The following PTCSC3 variants were observed in gnomAD, a reference collection of about 807,000 sequenced individuals.
The protein encoded by PTCSC3 is papillary thyroid carcinoma susceptibility candidate 3 (non-protein coding).
At chr14:36,144,094 A>G (rs913668799) in intron 3 of PTCSC3, among the ~76,000 whole-genome samples, 12 of 152,138 alleles carry the variant, frequency 7.9e-5, no homozygotes, top group African/African-American at 2.7e-4. Flanking sequence ...AGGTAGTGTG[A>G]TGCCTCCAGC....
At chr14:36,170,514 C>A (rs1882171816) in intron 1 of PTCSC3, among the ~76,000 whole-genome samples, 1 of 152,074 alleles carries the variant, frequency 6.6e-6, no homozygotes, top group Admixed American at 6.6e-5. Context: ...GTAAGCATGC[C>A]AGAGCTCAAA....
intron 3 of PTCSC3, among the ~76,000 whole-genome samples, chr14:36,140,716 T>G (rs1188088240): frequency 2.6e-5 from 4 of 151,998 alleles, no homozygotes; most frequent in Admixed American, 2.6e-4. Context: ...CTCTTAAGAG[T>G]TTTTTAGAGC....
intron 3 of PTCSC3, among the ~76,000 whole-genome samples, chr14:36,150,311 C>A (rs1881692116): frequency 6.6e-6 from 1 of 152,046 alleles, no homozygotes; most frequent in South Asian, 2.1e-4. Context: ...TATAAAGAGG[C>A]CCAAGGCACT....
intron 3 of PTCSC3, among the ~76,000 whole-genome samples, chr14:36,142,103 T>C (rs1004472626): frequency 3.3e-5 from 5 of 152,228 alleles, no homozygotes; most frequent in African/African-American, 1.2e-4. Flanking sequence ...TCATTCCTTA[T>C]CTTAGGCAGA....
intron 2 of PTCSC3, among the ~76,000 whole-genome samples, chr14:36,159,555 T>C (rs998743640): frequency 6.6e-6 from 1 of 152,034 alleles, no homozygotes; most frequent in Non-Finnish European, 1.5e-5. Flanking sequence ...AGTTGTGTGG[T>C]TTTGAGTTTC....
chr14:36,152,893 C>T (rs1224529697), intron 3 of PTCSC3, among the ~76,000 whole-genome samples: 7 of 96,936 alleles, frequency 7.2e-5, no homozygotes, highest in East Asian at 2.4e-4. Flanking sequence ...GACTCCATCT[C>T]GAAAGGAAAA....
intron 2 of PTCSC3, among the ~76,000 whole-genome samples, chr14:36,159,729 G>A (rs1249269298): frequency 6.6e-6 from 1 of 152,122 alleles, no homozygotes; most frequent in Non-Finnish European, 1.5e-5. Flanking sequence ...GTTGATTTGG[G>A]GTGGAGAGTT....
chr14:36,150,834 A>G (rs1004346767), intron 3 of PTCSC3, among the ~76,000 whole-genome samples: 26 of 152,188 alleles, frequency 1.7e-4, no homozygotes, highest in African/African-American at 6.3e-4. Flanking sequence ...ATTCCTTATA[A>G]CATTGGTGCA....
At chr14:36,148,292 C>A (rs1310254029) in intron 3 of PTCSC3, among the ~76,000 whole-genome samples, 1 of 152,158 alleles carries the variant, frequency 6.6e-6, no homozygotes, top group Non-Finnish European at 1.5e-5. Context: ...TGATCTCAGA[C>A]TGCTGTGCTA....
At chr14:36,159,159 A>T (rs1449950186) in intron 2 of PTCSC3, among the ~76,000 whole-genome samples, 1 of 147,490 alleles carries the variant, frequency 6.8e-6, no homozygotes, top group Non-Finnish European at 1.5e-5. Context: ...TAGTCTGGCT[A>T]CTGGTCTATT....
At chr14:36,138,815 C>T (rs1594442431) in intron 3 of PTCSC3, among the ~76,000 whole-genome samples, 1 of 152,258 alleles carries the variant, frequency 6.6e-6, no homozygotes, top group East Asian at 1.9e-4. Flanking sequence ...TAGATATTTA[C>T]CCAAAAGAAA....
intron 3 of PTCSC3, among the ~76,000 whole-genome samples, chr14:36,138,858 G>A (rs1439176581): frequency 1.3e-5 from 2 of 152,058 alleles, no homozygotes; most frequent in Non-Finnish European, 2.9e-5. Context: ...GGTGGCTCGC[G>A]GCTGTAATCC....
At chr14:36,149,018 T>C (rs1881662287) in intron 3 of PTCSC3, among the ~76,000 whole-genome samples, 2 of 152,000 alleles carry the variant, frequency 1.3e-5, no homozygotes, top group Non-Finnish European at 2.9e-5. Flanking sequence ...CTAATTTTTA[T>C]TAGCTCTTTT....
At chr14:36,162,302 A>G (rs1881981597) in intron 2 of PTCSC3, among the ~76,000 whole-genome samples, 1 of 148,280 alleles carries the variant, frequency 6.7e-6, no homozygotes, top group African/African-American at 2.5e-5. Flanking sequence ...CAGCCAGCTC[A>G]GTGTCTGCCT....
chr14:36,137,545 C>G (rs1448104155), intron 3 of PTCSC3, among the ~76,000 whole-genome samples: 1 of 152,078 alleles, frequency 6.6e-6, no homozygotes, highest in Non-Finnish European at 1.5e-5. Context: ...GATGATGGCT[C>G]ATATCTGAGT....
chr14:36,147,483 G>T (rs981441646), intron 3 of PTCSC3, among the ~76,000 whole-genome samples: 10 of 152,028 alleles, frequency 6.6e-5, no homozygotes, highest in Admixed American at 5.2e-4. Flanking sequence ...CATTCTTCAC[G>T]TTGTTCTTGA....
rs567612886 is a variant in PTCSC3 at position 36,173,839 on chromosome 14, G to C, written n.171+2459C>G. On this transcript the variant is annotated intron_variant and non_coding_transcript_variant, in intron 1 of 3. Transcript: ENST00000556013. ...TCTTTATTTAACTCTTGTTTACGGAGGCTCTTTCTGCTGGATATAAAACTG... is the reference window on the plus strand; with the variant it reads ...TCTTTATTTAACTCTTGTTTACGGACGCTCTTTCTGCTGGATATAAAACTG... 8.5e-5 allele frequency among the ~76,000 whole-genome samples: 13 copies of C among 152,132 alleles called. No homozygotes were observed. The South Asian group carries it at 2.3e-3, about 27-fold the overall frequency.
At chr14:36,165,549 A>T (rs1228734059) in intron 1 of PTCSC3, among the ~76,000 whole-genome samples, 3 of 152,198 alleles carry the variant, frequency 2.0e-5, no homozygotes, top group African/African-American at 7.2e-5. Flanking sequence ...CTATAAAAAA[A>T]AAAAGCAGTT....
intron 2 of PTCSC3, among the ~76,000 whole-genome samples, chr14:36,156,001 C>T (rs1305566070): frequency 1.3e-5 from 2 of 151,962 alleles, no homozygotes; most frequent in Non-Finnish European, 1.5e-5. Flanking sequence ...CAAAATCATG[C>T]TCTGCATGAA....
Sources: gnomAD v4.1 joint callset for allele counts (sites outside exome capture counted in the v4.1 genomes callset) on GRCh38, gnomAD v4.1.1 for gene constraint, MANE v1.5 for transcripts, NCBI Gene and HGNC (gene_info 2026-07-23, HGNC 2026-07-21) for gene names.